The following COLGALT2 variants were observed in gnomAD, a reference collection of about 807,000 sequenced individuals.
The protein encoded by COLGALT2 is collagen beta(1-O)galactosyltransferase 2.
A neutral mutation model predicts 73.4 loss-of-function variants in COLGALT2; 49 were observed. The observed-to-expected ratio is 0.67, with a 90% CI of 0.53 to 0.85. COLGALT2 has a LOEUF of 0.85. COLGALT2 is among the 40% of genes least tolerant of loss of function. COLGALT2 has a pLI of 0.00. For missense variants in COLGALT2, 722 were observed against 790.2 expected, an observed-to-expected ratio of 0.91 and a Z score of 1.03; for synonymous variants, 295 against 307.6, an observed-to-expected ratio of 0.96 and a Z score of 0.43.
At chr1:183,968,069 GTA>G (rs1670930372) in intron 5 of COLGALT2, among the ~76,000 whole-genome samples, 1 of 152,140 alleles carries the variant, frequency 6.6e-6, no homozygotes, top group Non-Finnish European at 1.5e-5. Flanking sequence ...GCTTGAATTT[GTA>G]TTAACATTCT....
chr1:184,009,121 A>G (rs2102845532), intron 1 of COLGALT2, among the ~76,000 whole-genome samples: 1 of 152,372 alleles, frequency 6.6e-6, no homozygotes, highest in South Asian at 2.1e-4. Flanking sequence ...CTAATAGACA[A>G]GAAGTATAGA....
chr1:184,032,732 G>A (rs1649554781), intron 1 of COLGALT2, among the ~76,000 whole-genome samples: 1 of 152,218 alleles, frequency 6.6e-6, no homozygotes, highest in African/African-American at 2.4e-5. Flanking sequence ...AGAGTGTAAT[G>A]ATAAAATATG....
chr1:183,976,756 T>C (rs1334678715), intron 2 of COLGALT2, among the ~76,000 whole-genome samples: 1 of 152,050 alleles, frequency 6.6e-6, no homozygotes, highest in Non-Finnish European at 1.5e-5. Flanking sequence ...ATTAATTGCA[T>C]AGGGGGAAAA....
chr1:183,989,270 G>C (rs1465544384), intron 1 of COLGALT2, among the ~76,000 whole-genome samples: 1 of 152,214 alleles, frequency 6.6e-6, no homozygotes, highest in Non-Finnish European at 1.5e-5. Context: ...GAGCTGGGTG[G>C]AGCAGCTGAA....
At chr1:184,015,978 AG>A (rs1426249953) in intron 1 of COLGALT2, among the ~76,000 whole-genome samples, 1 of 152,236 alleles carries the variant, frequency 6.6e-6, no homozygotes, top group Non-Finnish European at 1.5e-5. Context: ...AAAATGTCAA[AG>A]GTGATGTTAT....
intron 6 of COLGALT2, among the ~76,000 whole-genome samples, chr1:183,956,950 TTC>T (rs994012574): frequency 6.6e-6 from 1 of 152,160 alleles, no homozygotes; most frequent in African/African-American, 2.4e-5. Context: ...ATATCCTGGC[TTC>T]TGTTTGTAGT....
At chr1:183,990,192 T>C (rs1440777166) in intron 1 of COLGALT2, among the ~76,000 whole-genome samples, 3 of 152,232 alleles carry the variant, frequency 2.0e-5, no homozygotes, top group Admixed American at 2.0e-4. Flanking sequence ...AAGAGTAAAC[T>C]TTAGGCTCAA....
rs2296713 is a variant in COLGALT2, at chr1:183,940,583, G to A, written c.1602C>T (p.Pro534=). 0.19 allele frequency: 309,375 copies of A among 1,613,722 alleles called. 31,215 individuals carry two copies. The highest frequency in any genetic ancestry group is 0.29 in the Admixed American group (17,197 of 60,006). ...EFLPVMYNKH[P]VAEYKEYYES... ...GCAGGCAGTTCAGGGAGACTCACAC[G>A]GGATGCTTGTTGTACATGACTGGCA... The change falls in exon 11 of 12, where the codon CCC becomes CCT. Residue 534 remains proline (P), a splice_region_variant and synonymous_variant. Transcript: ENST00000361927.
At chr1:183,988,192 C>T (rs1292467463) in intron 1 of COLGALT2, among the ~76,000 whole-genome samples, 1 of 152,112 alleles carries the variant, frequency 6.6e-6, no homozygotes, top group East Asian at 1.9e-4. Context: ...ATTCTCTCAA[C>T]CCAGTCTAAT....
chr1:183,957,467 T>G (rs1670583441), intron 6 of COLGALT2, among the ~76,000 whole-genome samples: 1 of 152,202 alleles, frequency 6.6e-6, no homozygotes. Flanking sequence ...GAATAGTACA[T>G]GATAGATTGT....
chr1:183,955,861 A>T (rs1187245073), intron 6 of COLGALT2, among the ~76,000 whole-genome samples: 1 of 152,158 alleles, frequency 6.6e-6, no homozygotes, highest in Non-Finnish European at 1.5e-5. Flanking sequence ...GGCACAGGAG[A>T]GGAATACACT....
Position 183,978,404 on chromosome 1 carries a change from A to T in COLGALT2, c.374+6T>A. The T allele has an allele frequency of 6.5e-7, 1 of 1,543,328 alleles. No individual in the cohort carries two copies. Among genetic ancestry groups the T allele is most frequent in the Non-Finnish European group, 8.9e-7 (1 of 1,117,396 alleles). On this transcript the variant is annotated splice_donor_region_variant and intron_variant, in intron 2 of 11. Coordinates refer to ENST00000361927, the MANE Select transcript of COLGALT2 (RefSeq NM_015101.4). ...TGAGTTTACAAATTTCGCACTTGCT[A>T]CTCACTCTGGTTCATCCATAGGCCT...
At position 184,023,647 on chromosome 1, in the gene COLGALT2, G is replaced by T. The variant is rs547753919; in HGVS notation, c.263+13448C>A. On this transcript the variant is annotated intron_variant, in intron 1 of 11. Coordinates refer to ENST00000361927, the MANE Select transcript of COLGALT2 (RefSeq NM_015101.4). ...TTTTTCCAAAAGTGCGTGAGGTGGG[G>T]GGGGGGGGCGGTGCCGGAAGCATTC... is the stretch of plus-strand genomic sequence containing the variant. Among the ~76,000 whole-genome samples the T allele has an allele frequency of 2.7e-4, 39 of 142,116 alleles. No homozygotes were observed. In the East Asian group the frequency reaches 7.0e-3, roughly 25 times the overall value. The allele number at this position is 142,116 out of a possible 152,430, so 93.2% of individuals were successfully genotyped here. A position where few individuals can be genotyped will look rare whatever the true frequency, so the allele number is the denominator to read the frequency against.
intron 6 of COLGALT2, among the ~76,000 whole-genome samples, chr1:183,959,036 G>C (rs571993078): frequency 2.5e-4 from 38 of 152,164 alleles, no homozygotes; most frequent in Non-Finnish European, 3.4e-4. Flanking sequence ...TCATTGCACT[G>C]AAGTGGCCCA....
At chr1:183,995,630 G>A (rs1430314786) in intron 1 of COLGALT2, among the ~76,000 whole-genome samples, 1 of 152,072 alleles carries the variant, frequency 6.6e-6, no homozygotes, top group Non-Finnish European at 1.5e-5. Context: ...TGCTTCCAGC[G>A]GGTGTGTATT....
At position 183,930,121 on chromosome 1, in the gene COLGALT2, G is replaced by A. The variant is rs183439553; in HGVS notation, c.*108C>T. Reference sequence around the variant, plus strand: ...CCATCAACCAGTCCCCGGGCCCGATGTGAGTACAGGGGAGGTGGGAAATGC... The same window carrying A: ...CCATCAACCAGTCCCCGGGCCCGATATGAGTACAGGGGAGGTGGGAAATGC... On this transcript the variant is annotated 3_prime_UTR_variant, in exon 12 of 12. Transcript: ENST00000649786. 1,118 of 439,732 alleles carry A rather than the reference G, an allele frequency of 2.5e-3. 5 individuals carry two copies. The highest frequency in any genetic ancestry group is 2.7e-3 in the Admixed American group (112 of 41,048). The allele number at this position is 439,732 out of a possible 1,614,324, so 27.2% of individuals were successfully genotyped here.
intron 1 of COLGALT2, among the ~76,000 whole-genome samples, chr1:184,034,638 TCAG>T (rs979476576): frequency 1.5e-4 from 23 of 152,330 alleles, no homozygotes; most frequent in African/African-American, 4.6e-4. Flanking sequence ...TCTCTGTACC[TCAG>T]TTCTCTCACC....
At chr1:183,974,046 A>G (rs898232893) in intron 3 of COLGALT2, among the ~76,000 whole-genome samples, 1 of 152,242 alleles carries the variant, frequency 6.6e-6, no homozygotes, top group African/African-American at 2.4e-5. Flanking sequence ...TGTTTTAGGC[A>G]CAAGATATTA....
chr1:183,930,054 C>T (rs970537746), exon 12 of COLGALT2: 5 of 324,978 alleles, frequency 1.5e-5, no homozygotes, highest in Non-Finnish European at 3.1e-5. Flanking sequence ...CTGTTCCCAA[C>T]TGCCTTAGAC....
Sources: gnomAD v4.1 joint callset for allele counts (sites outside exome capture counted in the v4.1 genomes callset) on GRCh38, gnomAD v4.1.1 for gene constraint, MANE v1.5 for transcripts, NCBI Gene and HGNC (gene_info 2026-07-23, HGNC 2026-07-21) for gene names.